Variants in PLA2G5 observed in about 807,000 individuals in gnomAD.
PLA2G5 encodes phospholipase A2 group V, also known as Ca2+-dependent phospholipase A2.
PLA2G5 carries 12 observed loss-of-function variants against 15.9 expected under a neutral mutation model. The ratio of observed to expected loss-of-function variants is 0.76; its 90% CI spans 0.48 to 1.23. The LOEUF (loss-of-function observed/expected upper bound fraction) is 1.23, where lower values mean the gene tolerates loss of function less well. PLA2G5 is among the 50% of genes most tolerant of loss of function. The probability of loss-of-function intolerance (pLI) is 0.00; values close to 1 mark genes in which losing one functional copy is unlikely to be tolerated. For synonymous variants in PLA2G5, 71 were observed against 71.4 expected (o/e 0.99, Z 0.03); for missense variants, 169 against 177.1 (o/e 0.95, Z 0.26).
chr1:20,068,638 A>G (rs1324476984), upstream of PLA2G5, among the ~76,000 whole-genome samples: 2 of 151,756 alleles, frequency 1.3e-5, no homozygotes, highest in African/African-American at 2.4e-5. Flanking sequence ...TTTAGTAGAG[A>G]CGGGGTTTCT....
At chr1:20,039,264 A>G (rs1179894112) in intron 1 of PLA2G5, among the ~76,000 whole-genome samples, 1 of 152,218 alleles carries the variant, frequency 6.6e-6, no homozygotes, top group Non-Finnish European at 1.5e-5. Flanking sequence ...ATGAGGGTCA[A>G]CTATGGCCAA....
At chr1:20,054,932 C>T (rs1005018642) in intron 1 of PLA2G5, 9 of 152,110 alleles carry the variant, frequency 5.9e-5, no homozygotes, top group Admixed American at 5.9e-4. Flanking sequence ...TATGAGACTG[C>T]CTTTTCCACT....
intron 1 of PLA2G5, among the ~76,000 whole-genome samples, chr1:20,031,805 T>C (rs543161508): frequency 2.6e-5 from 4 of 152,082 alleles, no homozygotes; most frequent in East Asian, 1.9e-4. Context: ...TCCACTTAGA[T>C]TGGAGAAGGG....
In PLA2G5 at chr1:20,060,206, A is replaced by G. The variant is rs16823371; in HGVS notation, n.337+514A>G. On this transcript the variant is annotated intron_variant and non_coding_transcript_variant, in intron 2 of 6. Transcript: ENST00000460175. The stretch of plus-strand genomic sequence containing the variant: ...GGTAGAACACTGTTAACCAGCCCTT[A>G]TCTTCAATCAGTTCACTATTTACTG... Among the ~76,000 whole-genome samples, 748 of 144,030 alleles carry G rather than the reference A, an allele frequency of 5.2e-3. 8 individuals carry two copies. Among genetic ancestry groups the G allele is most frequent in the African/African-American group, 0.018 (707 of 38,924 alleles). 94.5% of individuals were successfully genotyped at this position (144,030 alleles called of 152,430 possible).
intron 1 of PLA2G5, 34 bp from the exon 2 acceptor site, chr1:20,084,787 A>G: frequency 1.3e-6 from 2 of 1,495,352 alleles, no homozygotes; most frequent in Non-Finnish European, 1.9e-6. Flanking sequence ...GCATTGCCTG[A>G]TAGATCTGTT....
chr1:20,090,623 C>T lies in PLA2G5; in HGVS notation c.348C>T (p.Tyr116=). The part of the protein sequence containing the change: ...NLCACDRKLV[Y]CLKRNLRSYN... ...GTGCCTGTGACCGGAAGCTCGTCTA[C>T]TGCCTCAAGAGAAACCTACGGAGCT... The change falls in exon 5 of 5, where the codon TAC becomes TAT. Residue 116 remains tyrosine, a synonymous_variant. Transcript: ENST00000375108. 3 of 1,614,030 alleles carry T rather than the reference C, an allele frequency of 1.9e-6. No individual in the cohort carries two copies. Among genetic ancestry groups the T allele is most frequent in the Non-Finnish European group, 2.5e-6 (3 of 1,179,890 alleles).
chr1:20,075,183 C>T (rs1045301779), intron 1 of PLA2G5, among the ~76,000 whole-genome samples: 1 of 152,202 alleles, frequency 6.6e-6, no homozygotes, highest in Non-Finnish European at 1.5e-5. Context: ...CCTATTCACT[C>T]TCTTCTTATA....
At chr1:20,077,257 T>C (rs906322011) in intron 1 of PLA2G5, among the ~76,000 whole-genome samples, 1 of 152,324 alleles carries the variant, frequency 6.6e-6, no homozygotes, top group Admixed American at 6.5e-5. Flanking sequence ...TTGGATCCAT[T>C]GCCAAGAAAG....
intron 2 of PLA2G5, among the ~76,000 whole-genome samples, chr1:20,085,339 C>G (rs575162504): frequency 6.6e-6 from 1 of 152,022 alleles, no homozygotes; most frequent in African/African-American, 2.4e-5. Context: ...CCTGCGGCCC[C>G]GTGACCGTAT....
In PLA2G5 at chr1:20,085,592, G is replaced by A. The variant is rs897491687; in HGVS notation, c.41-491G>A. Among the ~76,000 whole-genome samples the A allele has an allele frequency of 4.6e-5, 7 of 152,212 alleles. No homozygotes were observed. The South Asian group carries it at 1.4e-3, about 31-fold the overall frequency. On this transcript the variant is annotated intron_variant, in intron 2 of 4. Coordinates refer to ENST00000375108, the MANE Select transcript of PLA2G5 (RefSeq NM_000929.3). Reference sequence around the variant, plus strand: ...GCCTTATGTTCTAAAGGGTGTGAGGGGAGGGAGTGGTGGGGAAGAGGGATG... The same window carrying A: ...GCCTTATGTTCTAAAGGGTGTGAGGAGAGGGAGTGGTGGGGAAGAGGGATG...
intron 1 of PLA2G5, among the ~76,000 whole-genome samples, chr1:20,055,777 T>A (rs1347797179): frequency 6.6e-6 from 1 of 152,208 alleles, no homozygotes; most frequent in Non-Finnish European, 1.5e-5. Flanking sequence ...TTTCCCATAA[T>A]AAATCTCTCC....
At chr1:20,051,362 T>C (rs1186052724) in intron 1 of PLA2G5, among the ~76,000 whole-genome samples, 1 of 152,226 alleles carries the variant, frequency 6.6e-6, no homozygotes, top group Middle Eastern at 3.2e-3. Context: ...TTCATGAATA[T>C]GAAGCAGAAC....
At chr1:20,041,363 G>C (rs2013586883) in intron 1 of PLA2G5, among the ~76,000 whole-genome samples, 1 of 152,212 alleles carries the variant, frequency 6.6e-6, no homozygotes, top group Non-Finnish European at 1.5e-5. Flanking sequence ...CTGCAGACAG[G>C]CTGAGTCTGA....
At chr1:20,077,896 G>A (rs2015774734) in intron 1 of PLA2G5, among the ~76,000 whole-genome samples, 1 of 152,144 alleles carries the variant, frequency 6.6e-6, no homozygotes, top group African/African-American at 2.4e-5. Flanking sequence ...CAAAGCTAGG[G>A]CCAAACTTCT....
At chr1:20,086,635 C>T (rs527723368) in intron 3 of PLA2G5, among the ~76,000 whole-genome samples, 1 of 152,296 alleles carries the variant, frequency 6.6e-6, no homozygotes, top group African/African-American at 2.4e-5. Flanking sequence ...CAATTCCTGT[C>T]ACTTAGGCCT....
At chr1:20,033,145 G>C (rs1024899412) in intron 1 of PLA2G5, among the ~76,000 whole-genome samples, 6 of 152,198 alleles carry the variant, frequency 3.9e-5, no homozygotes, top group Admixed American at 2.6e-4. Context: ...AGGTAGTTCT[G>C]CCTGTTGAGA....
intron 1 of PLA2G5, among the ~76,000 whole-genome samples, chr1:20,072,150 C>G (rs1305386086): frequency 6.6e-6 from 1 of 152,048 alleles, no homozygotes; most frequent in Non-Finnish European, 1.5e-5. Context: ...CAACAGTCCC[C>G]GTCCCCATCC....
rs201974975 is a variant in PLA2G5, at chr1:20,086,103, G to C, written c.61G>C (p.Gly21Arg). 1.2e-5 allele frequency: 19 copies of C among 1,614,032 alleles called. No homozygotes were observed. The highest frequency in any genetic ancestry group is 1.5e-5 in the Non-Finnish European group (18 of 1,180,028). Residue 21 changes from glycine to arginine, a missense_variant, in exon 3 of 5, where the codon GGC becomes CGC. Transcript: ENST00000375108. ...LACSVPAVQG[G>R]LLDLKSMIEK... ...TCCAGGTGTGCCTGCTGTGCAAGGA[G>C]GCTTGCTGGACCTAAAATCAATGAT...
chr1:20,048,777 C>G (rs1035351329), intron 1 of PLA2G5, among the ~76,000 whole-genome samples: 3 of 152,210 alleles, frequency 2.0e-5, no homozygotes, highest in Admixed American at 6.5e-5. Flanking sequence ...ATGACTATGA[C>G]AGTTTTCATA....
Sources: allele counts gnomAD v4.1 joint callset (sites outside exome capture counted in the v4.1 genomes callset), GRCh38; gene constraint gnomAD v4.1.1; transcripts MANE v1.5; gene names NCBI Gene and HGNC (gene_info 2026-07-23, HGNC 2026-07-21).